XKR4: variants seen among roughly 807,000 people sequenced by gnomAD.
The protein encoded by XKR4 is XK related 4, also known as XK-related protein 4.
In XKR4, 12 loss-of-function variants were observed where a neutral mutation model predicts 53.9. The observed-to-expected ratio is 0.22, with a 90% confidence interval of 0.14 to 0.36. The LOEUF (loss-of-function observed/expected upper bound fraction) is 0.36. XKR4 is among the 10% of genes least tolerant of loss of function. The pLI, the probability that XKR4 is intolerant of heterozygous loss-of-function variation, is 1.00. For missense variants in XKR4, 799 were observed against 859.5 expected (o/e 0.93, Z 0.88); for synonymous variants, 354 against 362.4 (o/e 0.98, Z 0.26).
At chr8:55,432,578 C>G (rs1481138840) in intron 2 of XKR4, among the ~76,000 whole-genome samples, 2 of 151,640 alleles carry the variant, frequency 1.3e-5, no homozygotes, top group African/African-American at 4.9e-5. Context: ...AGTGGTGGAT[C>G]ATTGAACATA....
intron 2 of XKR4, among the ~76,000 whole-genome samples, chr8:55,490,193 C>A (rs2129402077): frequency 6.6e-6 from 1 of 152,166 alleles, no homozygotes. Context: ...TCTATGGTGA[C>A]CTAGGTAAAG....
intron 1 of XKR4, among the ~76,000 whole-genome samples, chr8:55,124,969 G>A (rs6999882): frequency 0.032 from 4,938 of 152,262 alleles, 254 homozygotes; most frequent in African/African-American, 0.11. Flanking sequence ...TAATTCATCA[G>A]AGTATTTAAT....
At chr8:55,220,311 C>T (rs1334939396) in intron 1 of XKR4, among the ~76,000 whole-genome samples, 1 of 151,988 alleles carries the variant, frequency 6.6e-6, no homozygotes, top group East Asian at 1.9e-4. Context: ...TTAAGTGTAA[C>T]GAATGTAAAT....
intron 1 of XKR4, among the ~76,000 whole-genome samples, chr8:55,330,582 G>A (rs952858456): frequency 2.6e-5 from 4 of 152,104 alleles, no homozygotes; most frequent in African/African-American, 9.7e-5. Flanking sequence ...TTGAAGGGTT[G>A]CTTCTTCTAC....
At chr8:55,123,159 C>T (rs184925219) in intron 1 of XKR4, among the ~76,000 whole-genome samples, 1 of 152,286 alleles carries the variant, frequency 6.6e-6, no homozygotes, top group Admixed American at 6.5e-5. Flanking sequence ...AAGAGAAACA[C>T]TTTAATTTGC....
At chr8:55,495,524 TGGCAC>T (rs945403420) in intron 2 of XKR4, among the ~76,000 whole-genome samples, 1 of 152,174 alleles carries the variant, frequency 6.6e-6, no homozygotes, top group Non-Finnish European at 1.5e-5. Flanking sequence ...CCTACCACAT[TGGCAC>T]GCAGCTCAGC....
At chr8:55,173,344 T>C (rs748321700) in intron 1 of XKR4, among the ~76,000 whole-genome samples, 1 of 152,170 alleles carries the variant, frequency 6.6e-6, no homozygotes, top group Non-Finnish European at 1.5e-5. Flanking sequence ...CCTACTTCTT[T>C]AACCTACTTT....
chr8:55,436,329 C>T (rs1466089757), intron 2 of XKR4, among the ~76,000 whole-genome samples: 1 of 152,162 alleles, frequency 6.6e-6, no homozygotes, highest in African/African-American at 2.4e-5. Flanking sequence ...GAGTGAGTCA[C>T]TGATGTTACA....
intron 1 of XKR4, among the ~76,000 whole-genome samples, chr8:55,329,187 T>A (rs189143623): frequency 6.6e-6 from 1 of 152,144 alleles, no homozygotes. Flanking sequence ...TCAGAGTTGA[T>A]ATATTTAAAT....
chr8:55,452,915 G>A lies in XKR4; in HGVS notation c.1007-70366G>A, dbSNP rs551015419. 1.7e-4 allele frequency: 137 copies of A among 799,426 alleles called. No individual in the cohort carries two copies. The African/African-American group carries it at 1.8e-3, about 10-fold the overall frequency. 49.5% of individuals were successfully genotyped at this position (799,426 alleles called of 1,614,324 possible). ...CGCAGTTGGTATAGTGGATGGCCTG[G>A]CTGAACACTGTGCTCTCCTCCTTCT... is the stretch of plus-strand genomic sequence containing the variant. On this transcript the variant is annotated intron_variant, in intron 2 of 2. Coordinates refer to ENST00000327381, the MANE Select transcript of XKR4 (RefSeq NM_052898.2).
chr8:55,380,775 A>G (rs1438209067), intron 2 of XKR4, among the ~76,000 whole-genome samples: 1 of 152,244 alleles, frequency 6.6e-6, no homozygotes, highest in African/African-American at 2.4e-5. Context: ...TCGCAGATGT[A>G]TCTTTGTTGT....
At chr8:55,153,074 G>T (rs1816859581) in intron 1 of XKR4, among the ~76,000 whole-genome samples, 1 of 152,158 alleles carries the variant, frequency 6.6e-6, no homozygotes, top group African/African-American at 2.4e-5. Flanking sequence ...GAGGATCCAG[G>T]CTCACGCTGG....
rs566643539 is a variant in XKR4 at position 55,468,525 on chromosome 8, T to C, written c.1007-54756T>C. Among the ~76,000 whole-genome samples the C allele has an allele frequency of 2.0e-5, 3 of 152,266 alleles. No individual in the cohort carries two copies. The South Asian group carries it at 6.2e-4, about 32-fold the overall frequency. ...AAAATACATTGGATAATCAAGAAAG[T>C]ATGCCTTTTAGGCAAGATCTCTTCT... On this transcript the variant is annotated intron_variant, in intron 2 of 2. Transcript: ENST00000327381.
chr8:55,125,103 T>C (rs1816444539), intron 1 of XKR4, among the ~76,000 whole-genome samples: 1 of 152,252 alleles, frequency 6.6e-6, no homozygotes, highest in Admixed American at 6.5e-5. Flanking sequence ...CTGTTGATGG[T>C]AGAAGTAAGT....
intron 2 of XKR4, among the ~76,000 whole-genome samples, chr8:55,501,723 C>T (rs779509981): frequency 4.1e-4 from 63 of 151,856 alleles, no homozygotes; most frequent in Non-Finnish European, 2.1e-4. Context: ...TTTATCCATT[C>T]ATCCATCAGT....
At chr8:55,208,760 C>A (rs1817683899) in intron 1 of XKR4, among the ~76,000 whole-genome samples, 6 of 152,166 alleles carry the variant, frequency 3.9e-5, no homozygotes. Flanking sequence ...CCACCACACC[C>A]AGCCTAGTTT....
chr8:55,260,707 T>C (rs889066192), intron 1 of XKR4, among the ~76,000 whole-genome samples: 2 of 152,100 alleles, frequency 1.3e-5, no homozygotes, highest in African/African-American at 4.8e-5. Context: ...TTGGACCAGG[T>C]GTCACATTTG....
chr8:55,201,360 G>A (rs983055930), intron 1 of XKR4, among the ~76,000 whole-genome samples: 1 of 152,216 alleles, frequency 6.6e-6, no homozygotes, highest in African/African-American at 2.4e-5. Flanking sequence ...TATGGTGACA[G>A]CCCATGCTGT....
chr8:55,284,691 G>A lies in XKR4; in HGVS notation c.807-72987G>A, dbSNP rs551623454. On this transcript the variant is annotated intron_variant, in intron 1 of 2. Coordinates refer to ENST00000327381, the MANE Select transcript of XKR4 (RefSeq NM_052898.2). ...CATGGGACATAGTGATGTGTCCTAT[G>A]ATGTGACACACACCCTGAGCCTGTC... Among the ~76,000 whole-genome samples, 3 of 152,248 alleles carry A rather than the reference G, an allele frequency of 2.0e-5. No individual in the cohort carries two copies. The South Asian group carries it at 6.2e-4, about 32-fold the overall frequency.
Sources: allele counts gnomAD v4.1 joint callset (sites outside exome capture counted in the v4.1 genomes callset), GRCh38; gene constraint gnomAD v4.1.1; transcripts MANE v1.5; gene names NCBI Gene and HGNC (gene_info 2026-07-23, HGNC 2026-07-21).